The following PLAC1 variants were observed in gnomAD, a reference collection of about 807,000 sequenced individuals.
PLAC1 encodes the protein placenta associated 1, also known as placenta-specific protein 1.
For synonymous variants in PLAC1, 68 were observed against 62.1 expected, an observed-to-expected ratio of 1.09 and a Z score of -0.44; for missense variants, 136 against 163.2, an observed-to-expected ratio of 0.83 and a Z score of 0.91.
At chrX:134,762,196 AC>A (rs143993606) in intron 1 of PLAC1, among the ~76,000 whole-genome samples, 4,421 of 92,071 alleles carry the variant, frequency 0.048, 117 homozygotes, top group African/African-American at 0.089. Flanking sequence ...CTGTTGAGGC[AC>A]CCCCCCCCCA....
rs1177687404 is a variant in PLAC1 at position 134,622,061 on chromosome X, G to A, written c.-130-19939C>T. 4.5e-5 allele frequency among the ~76,000 whole-genome samples: 5 copies of A among 112,028 alleles called. No individual in the cohort carries two copies. The Admixed American group carries it at 4.7e-4, about 11-fold the overall frequency. Reference sequence around the variant, plus strand: ...GCCCCAATTCACCCCTGGGCTCTGAGCAGAGGAATGTGAAAGGCCCCTCCA... The same window carrying A: ...GCCCCAATTCACCCCTGGGCTCTGAACAGAGGAATGTGAAAGGCCCCTCCA... On this transcript the variant is annotated intron_variant, in intron 1 of 2. Transcript: ENST00000359237.
chrX:134,721,172 T>C (rs981075320), intron 2 of PLAC1, among the ~76,000 whole-genome samples: 3 of 112,536 alleles, frequency 2.7e-5, no homozygotes, highest in African/African-American at 9.7e-5. Flanking sequence ...GATATACAAA[T>C]GGCCAATAAG....
At chrX:134,744,136 T>C (rs896765417) in intron 1 of PLAC1, among the ~76,000 whole-genome samples, 1 of 110,288 alleles carries the variant, frequency 9.1e-6, no homozygotes, top group African/African-American at 3.3e-5. Context: ...AATACAAAAA[T>C]TAGCTGGGTG....
chrX:134,566,063 T>G lies in PLAC1; in HGVS notation c.620A>C (p.Asp207Ala). The change falls in exon 3 of 3, where the codon GAT becomes GCT. Residue 207 changes from aspartate to alanine, a missense_variant. Physicochemically the swap from Asp to Ala is moderately radical, Grantham distance 126. Transcript: ENST00000359237. ...TGAGGATCACATGGACCCAATCATA[T>G]CATCTGTGTGAAGAGACCAATCCTC... ...ISEDWSLHTD[D>A]MIGSM The G allele has an allele frequency of 8.3e-7, 1 of 1,209,724 alleles. No homozygotes were observed. The highest frequency in any genetic ancestry group is 1.1e-6 in the Non-Finnish European group (1 of 893,841).
chrX:134,739,140 T>C (rs2078710881), intron 1 of PLAC1, among the ~76,000 whole-genome samples: 1 of 112,031 alleles, frequency 8.9e-6, no homozygotes, highest in African/African-American at 3.3e-5. Context: ...TGACATGAAA[T>C]GTTCAGTTTA....
At position 134,619,607 on chromosome X, in the gene PLAC1, C is replaced by T. The variant is rs772674821; in HGVS notation, c.-130-17485G>A. 8.5e-5 allele frequency among the ~76,000 whole-genome samples: 9 copies of T among 105,480 alleles called. No individual in the cohort carries two copies. In the South Asian group the frequency reaches 3.4e-3, roughly 40 times the overall value. 91.6% of individuals were successfully genotyped at this position (105,480 alleles called of 115,157 possible). A position where few individuals can be genotyped will look rare whatever the true frequency, so the allele number is the denominator to read the frequency against. On this transcript the variant is annotated intron_variant, in intron 1 of 2. Transcript: ENST00000359237. ...CGGAGGTTGCAGTGAGCTGAGATTG[C>T]GCCACTGCACTTGAGCCTGGGTGAC...
chrX:134,708,292 G>C (rs1422092266), intron 2 of PLAC1, among the ~76,000 whole-genome samples: 1 of 111,664 alleles, frequency 9.0e-6, no homozygotes, highest in Admixed American at 9.5e-5. Flanking sequence ...AGCAGACTCG[G>C]CAATAGAAAG....
chrX:134,580,415 G>A (rs2077968493), intron 2 of PLAC1, among the ~76,000 whole-genome samples: 1 of 112,083 alleles, frequency 8.9e-6, no homozygotes, highest in South Asian at 3.8e-4. Flanking sequence ...TTCCTTTTAT[G>A]GAAGAAGAAT....
chrX:134,606,050 G>A (rs760044691), intron 1 of PLAC1: 3 of 110,662 alleles, frequency 2.7e-5, no homozygotes, highest in African/African-American at 9.9e-5. Flanking sequence ...GACCATCCTG[G>A]CCAATATGGT....
At chrX:134,574,783 GA>G (rs2077928713) in intron 2 of PLAC1, among the ~76,000 whole-genome samples, 1 of 111,668 alleles carries the variant, frequency 9.0e-6, no homozygotes, top group African/African-American at 3.3e-5. Flanking sequence ...AGGCAATTGA[GA>G]GACAGCATAA....
intron 2 of PLAC1, among the ~76,000 whole-genome samples, chrX:134,587,258 G>A (rs759644204): frequency 1.8e-5 from 2 of 110,457 alleles, no homozygotes; most frequent in Admixed American, 1.9e-4. Context: ...ATTTCCTTAA[G>A]CCTCCCTTTA....
At chrX:134,684,842 G>C (rs781263310) in intron 2 of PLAC1, among the ~76,000 whole-genome samples, 17 of 111,985 alleles carry the variant, frequency 1.5e-4, no homozygotes, top group Non-Finnish European at 3.2e-4. Flanking sequence ...TTAAAATGTG[G>C]ACATGGTCAT....
At chrX:134,762,514 C>T (rs959086678) in intron 1 of PLAC1, among the ~76,000 whole-genome samples, 2 of 111,102 alleles carry the variant, frequency 1.8e-5, no homozygotes, top group East Asian at 2.8e-4. Flanking sequence ...CAAATATGTT[C>T]GCCTATGTAT....
At chrX:134,713,536 A>T (rs920628071) in intron 2 of PLAC1, among the ~76,000 whole-genome samples, 7 of 111,908 alleles carry the variant, frequency 6.3e-5, no homozygotes, top group African/African-American at 2.3e-4. Context: ...TTACCCTTAG[A>T]AGTCATATTT....
chrX:134,738,000 C>T (rs759261712), intron 1 of PLAC1, among the ~76,000 whole-genome samples: 23 of 111,326 alleles, frequency 2.1e-4, no homozygotes, highest in African/African-American at 6.9e-4. Flanking sequence ...CAGGGACTTG[C>T]GGATTTCTCA....
chrX:134,759,705 T>C (rs1300461170), intron 1 of PLAC1, among the ~76,000 whole-genome samples: 1 of 112,098 alleles, frequency 8.9e-6, no homozygotes, highest in Non-Finnish European at 1.9e-5. Context: ...GAAAATGTGG[T>C]ACATATACAC....
chrX:134,593,346 C>A (rs1363369245), intron 2 of PLAC1, among the ~76,000 whole-genome samples: 3 of 112,067 alleles, frequency 2.7e-5, no homozygotes, highest in African/African-American at 9.7e-5. Flanking sequence ...TGATTCCTCC[C>A]ACTTTATTCT....
At chrX:134,628,359 T>C (rs2078245653) in intron 1 of PLAC1, among the ~76,000 whole-genome samples, 2 of 112,059 alleles carry the variant, frequency 1.8e-5, no homozygotes, top group Admixed American at 9.5e-5. Context: ...TGAATGTGTC[T>C]AACTCCCCTG....
At chrX:134,595,119 A>G (rs962863147) in intron 2 of PLAC1, among the ~76,000 whole-genome samples, 4 of 110,625 alleles carry the variant, frequency 3.6e-5, no homozygotes, top group African/African-American at 1.3e-4. Context: ...TCTTTGACCT[A>G]TAGATTATTT....
Sources: allele counts gnomAD v4.1 joint callset (sites outside exome capture counted in the v4.1 genomes callset), GRCh38; gene constraint gnomAD v4.1.1; transcripts MANE v1.5; gene names NCBI Gene and HGNC (gene_info 2026-07-23, HGNC 2026-07-21).